Variants in ARHGEF10L observed in about 807,000 individuals in gnomAD.
ARHGEF10L encodes the protein Rho guanine nucleotide exchange factor 10 like.
Under a neutral mutation model 141.2 loss-of-function variants are expected in ARHGEF10L, and 69 were observed. The ratio of observed to expected loss-of-function variants is 0.49; its 90% CI spans 0.40 to 0.60. ARHGEF10L has a LOEUF of 0.60. ARHGEF10L is among the 20% of genes least tolerant of loss of function. ARHGEF10L has a pLI of 0.00. For missense variants in ARHGEF10L, 1,482 were observed against 1,734.3 expected (o/e 0.85, Z 2.58); for synonymous variants, 711 against 718.5 (o/e 0.99, Z 0.17).
At chr1:17,685,985 G>A (rs775269410) in intron 26 of ARHGEF10L, among the ~76,000 whole-genome samples, 31 of 152,268 alleles carry the variant, frequency 2.0e-4, no homozygotes, top group East Asian at 5.8e-4. Flanking sequence ...AAATCATCCC[G>A]TCCTGCTCCT....
At chr1:17,546,947 G>A (rs963023823) in intron 1 of ARHGEF10L, among the ~76,000 whole-genome samples, 8 of 152,228 alleles carry the variant, frequency 5.3e-5, no homozygotes, top group African/African-American at 1.9e-4. Context: ...TCTCTGTTTT[G>A]CCTCCATTGA....
rs777086136 is a variant in ARHGEF10L, at chr1:17,656,526, T to C, written c.2706-28T>C. On this transcript the variant is annotated intron_variant, in intron 24 of 28. Coordinates refer to ENST00000361221, the MANE Select transcript of ARHGEF10L (RefSeq NM_018125.4). The surrounding 1 kb of genome is among the most constrained non-coding windows in gnomAD (Gnocchi z 4.9). ...GTGGGTGGGAGTGCTCAGTGTGTCA[T>C]GACCGCTTCTCCAACCTCTCCCCGC... 58 of 1,598,310 alleles carry C rather than the reference T, an allele frequency of 3.6e-5. No individual in the cohort carries two copies. Among genetic ancestry groups the C allele is most frequent in the South Asian group, 3.5e-4 (31 of 89,416 alleles).
rs753231860 is a variant in ARHGEF10L at position 17,627,563 on chromosome 1, C to T, written c.1584+60C>T. ...GCCTGCCCTCACCTGTGCTCCTGCC[C>T]GTGCCCCTGCCCCACGCCACCCACA... is the stretch of plus-strand genomic sequence containing the variant. On this transcript the variant is annotated intron_variant, in intron 15 of 28. Coordinates refer to ENST00000361221, the MANE Select transcript of ARHGEF10L (RefSeq NM_018125.4). The surrounding 1 kb of genome is among the most constrained non-coding windows in gnomAD (Gnocchi z 4.0). The T allele has an allele frequency of 2.9e-5, 46 of 1,564,896 alleles. No homozygotes were observed. Among genetic ancestry groups the T allele is most frequent in the Middle Eastern group, 2.3e-4 (1 of 4,368 alleles).
At position 17,638,028 on chromosome 1, in the gene ARHGEF10L, T is replaced by G. The variant is rs2061113914; in HGVS notation, c.2043+25T>G. 2.6e-6 allele frequency: 4 copies of G among 1,552,648 alleles called. No individual in the cohort carries two copies. In the East Asian group the frequency reaches 9.6e-5, roughly 37 times the overall value. On this transcript the variant is annotated intron_variant, in intron 19 of 28. Coordinates refer to ENST00000361221, the MANE Select transcript of ARHGEF10L (RefSeq NM_018125.4). ...GGTACGTGGCCTGGCCTGACCTTTT[T>G]GGCCTGAGCTCCCCAGTGTGGGCAG...
intron 27 of ARHGEF10L, chr1:17,691,308 G>T (rs144612118): frequency 3.1e-5 from 9 of 288,358 alleles, no homozygotes; most frequent in Admixed American, 5.4e-5. Context: ...TGAGGTGGAG[G>T]GGGAGGGGGA....
At chr1:17,676,257 C>A (rs1571473718) in intron 26 of ARHGEF10L, among the ~76,000 whole-genome samples, 1 of 140,700 alleles carries the variant, frequency 7.1e-6, no homozygotes, top group Admixed American at 7.2e-5. Flanking sequence ...GGCGTGGGTG[C>A]AGGTGTGGGT....
chr1:17,648,750 T>C (rs1275935737), intron 22 of ARHGEF10L, 75 bp downstream of exon 22: 1 of 1,564,490 alleles, frequency 6.4e-7, no homozygotes, highest in Non-Finnish European at 8.7e-7. Context: ...AACCAGAGTT[T>C]CCAGGGAGCG....
At chr1:17,550,624 C>T (rs1364834726) in intron 1 of ARHGEF10L, among the ~76,000 whole-genome samples, 3 of 143,758 alleles carry the variant, frequency 2.1e-5, no homozygotes, top group East Asian at 4.2e-4. Flanking sequence ...GTGTGGGCAA[C>T]GAGAGTGAAA....
chr1:17,618,297 C>A, intron 9 of ARHGEF10L: 1 of 1,396,302 alleles, frequency 7.2e-7, no homozygotes, highest in Non-Finnish European at 9.5e-7. Flanking sequence ...CCTGAAGTGA[C>A]CCTCCCTGCA....
intron 1 of ARHGEF10L, among the ~76,000 whole-genome samples, chr1:17,547,750 GA>G (rs1349358080): frequency 6.6e-6 from 1 of 152,114 alleles, no homozygotes; most frequent in Admixed American, 6.5e-5. Context: ...GACCACTGAA[GA>G]AAACACAGAG....
Position 17,637,878 on chromosome 1 carries a change from C to T in ARHGEF10L, c.1928-10C>T. On this transcript the variant is annotated splice_polypyrimidine_tract_variant and intron_variant, in intron 18 of 28. Transcript: ENST00000361221. ...TCACCTGTGCCTGAGTTGGTCTCTT[C>T]TCTGCCCAGATAAGGTGTACCTCGG... is the stretch of plus-strand genomic sequence containing the variant. 2.5e-6 allele frequency: 4 copies of T among 1,575,176 alleles called. No individual in the cohort carries two copies. Among genetic ancestry groups the T allele is most frequent in the Non-Finnish European group, 3.4e-6 (4 of 1,159,552 alleles).
intron 25 of ARHGEF10L, among the ~76,000 whole-genome samples, chr1:17,657,957 A>G (rs2062377929): frequency 6.6e-6 from 1 of 152,222 alleles, no homozygotes; most frequent in African/African-American, 2.4e-5. Flanking sequence ...CCTGACAAGG[A>G]CCACAAATGG....
chr1:17,569,540 C>T (rs1172179998), intron 1 of ARHGEF10L, among the ~76,000 whole-genome samples: 1 of 152,170 alleles, frequency 6.6e-6, no homozygotes, highest in East Asian at 1.9e-4. Context: ...CCAGAGCTCC[C>T]TCGTGGGACA....
At chr1:17,671,567 G>A (rs1203517196) in intron 26 of ARHGEF10L, among the ~76,000 whole-genome samples, 1 of 152,198 alleles carries the variant, frequency 6.6e-6, no homozygotes. Flanking sequence ...ACAGGCCTGG[G>A]TCCTTCCTGG....
Position 17,627,627 on chromosome 1 carries a change from T to C in ARHGEF10L, c.1584+124T>C, listed in dbSNP as rs1366853694. On this transcript the variant is annotated intron_variant, in intron 15 of 28. Coordinates refer to ENST00000361221, the MANE Select transcript of ARHGEF10L (RefSeq NM_018125.4). This position sits in a 1 kb window ranked among gnomAD's most constrained non-coding sequence, Gnocchi z 4.0. ...TTCTCTGAGGGAGGGGAGGCCTTGC[T>C]CTTCCAAGGATGTGACCTTGGGGAT... 3.3e-6 allele frequency: 4 copies of C among 1,222,666 alleles called. No homozygotes were observed. The Admixed American group carries it at 9.5e-5, about 29-fold the overall frequency. 75.7% of individuals were successfully genotyped at this position (1,222,666 alleles called of 1,614,324 possible).
intron 26 of ARHGEF10L, among the ~76,000 whole-genome samples, chr1:17,665,140 C>T (rs979658075): frequency 3.3e-5 from 5 of 152,360 alleles, no homozygotes; most frequent in East Asian, 3.9e-4. Context: ...CTCACCTTCA[C>T]ACCTGCAGTC....
chr1:17,584,487 G>A (rs970482605), intron 2 of ARHGEF10L, among the ~76,000 whole-genome samples: 3 of 152,000 alleles, frequency 2.0e-5, no homozygotes, highest in Non-Finnish European at 4.4e-5. Context: ...ACCTGCCCTC[G>A]TGAAGCTTAT....
At chr1:17,645,075 T>C (rs766795412) in intron 21 of ARHGEF10L, among the ~76,000 whole-genome samples, 3 of 152,150 alleles carry the variant, frequency 2.0e-5, no homozygotes, top group Non-Finnish European at 4.4e-5. Context: ...AGCTGCTCCC[T>C]GTGTCCCATG....
rs766743556 is a variant in ARHGEF10L at position 17,627,186 on chromosome 1, C to T, written c.1411-144C>T. ...AGCTGTTTCTTGAGGTCTTGTTCTG[C>T]ATCTGGTGCCATCTGTCCTGGCCTC... On this transcript the variant is annotated intron_variant, in intron 14 of 28. Transcript: ENST00000361221. This position sits in a 1 kb window ranked among gnomAD's most constrained non-coding sequence, Gnocchi z 4.0. The T allele has an allele frequency of 1.3e-5, 11 of 838,952 alleles. No individual in the cohort carries two copies. The highest frequency in any genetic ancestry group is 2.0e-5 in the Non-Finnish European group (11 of 539,772). The allele number at this position is 838,952 out of a possible 1,614,324, so 52.0% of individuals were successfully genotyped here.
Sources: gnomAD v4.1 joint callset for allele counts (sites outside exome capture counted in the v4.1 genomes callset) on GRCh38, gnomAD v4.1.1 for gene constraint, Gnocchi (gnomAD v3.1) non-coding constraint, MANE v1.5 for transcripts, NCBI Gene and HGNC (gene_info 2026-07-23, HGNC 2026-07-21) for gene names.